PTPRZ1: variants seen among roughly 807,000 people sequenced by gnomAD.
The protein encoded by PTPRZ1 is protein tyrosine phosphatase receptor type Z1.
In PTPRZ1, 82 loss-of-function variants were observed where a neutral mutation model predicts 214.1. The observed-to-expected ratio is 0.38, with a 90% CI of 0.32 to 0.46. PTPRZ1 has a LOEUF of 0.46. Ranked by LOEUF, PTPRZ1 falls within the 20% of genes least tolerant of loss-of-function variation. The pLI, the probability that PTPRZ1 is intolerant of heterozygous loss-of-function variation, is 1.00. For synonymous variants in PTPRZ1, 945 were observed against 987.9 expected, an observed-to-expected ratio of 0.96 and a Z score of 0.81; for missense variants, 2,603 against 2,748.7, an observed-to-expected ratio of 0.95 and a Z score of 1.19.
At chr7:121,962,303 C>G (rs1337293989) in intron 2 of PTPRZ1, among the ~76,000 whole-genome samples, 1 of 151,734 alleles carries the variant, frequency 6.6e-6, no homozygotes, top group Non-Finnish European at 1.5e-5. Flanking sequence ...AAAAAGTTAG[C>G]TGGGCGTGGT....
chr7:122,023,851 A>T lies in PTPRZ1; in HGVS notation c.4988+4583A>T, dbSNP rs1015179330. On this transcript the variant is annotated intron_variant, in intron 13 of 29. Coordinates refer to ENST00000393386, the MANE Select transcript of PTPRZ1 (RefSeq NM_002851.3). The stretch of plus-strand genomic sequence containing the variant: ...ATTTTATATATAATTATATATATAT[A>T]AAAAAAAAAAAGATTGTAGCCAGAC... Among the ~76,000 whole-genome samples the T allele has an allele frequency of 7.6e-4, 16 of 21,114 alleles. 1 individual carries two copies. In the African/African-American group the frequency reaches 8.2e-3, roughly 11 times the overall value. 13.9% of individuals were successfully genotyped at this position (21,114 alleles called of 152,430 possible). A position where few individuals can be genotyped will look rare whatever the true frequency, so the allele number is the denominator to read the frequency against.
chr7:121,951,281 C>A (rs1302972327), intron 2 of PTPRZ1, among the ~76,000 whole-genome samples: 1 of 152,150 alleles, frequency 6.6e-6, no homozygotes, highest in African/African-American at 2.4e-5. Context: ...AGAGATACAA[C>A]CTCATTGCTA....
intron 6 of PTPRZ1, among the ~76,000 whole-genome samples, chr7:121,981,966 C>T (rs1797627659): frequency 6.6e-6 from 1 of 152,044 alleles, no homozygotes; most frequent in Non-Finnish European, 1.5e-5. Flanking sequence ...TTTCAGAAAC[C>T]TCAACCTACC....
intron 2 of PTPRZ1, among the ~76,000 whole-genome samples, chr7:121,956,699 TAAGTC>T (rs1353852017): frequency 6.6e-6 from 1 of 152,216 alleles, no homozygotes; most frequent in African/African-American, 2.4e-5. Flanking sequence ...TTAAGGGAGT[TAAGTC>T]TATGCTGGAA....
At chr7:121,963,587 T>C (rs1796944955) in intron 2 of PTPRZ1, among the ~76,000 whole-genome samples, 1 of 152,160 alleles carries the variant, frequency 6.6e-6, no homozygotes, top group African/African-American at 2.4e-5. Context: ...GCATGTTTCA[T>C]TAGCATCTTA....
intron 12 of PTPRZ1, among the ~76,000 whole-genome samples, chr7:122,016,500 A>G (rs1030254418): frequency 1.1e-4 from 17 of 151,974 alleles, no homozygotes; most frequent in Admixed American, 2.0e-4. Flanking sequence ...TATTTTGTGT[A>G]AAAGAGCTAG....
At chr7:122,054,310 C>A (rs1386227023) in intron 26 of PTPRZ1, among the ~76,000 whole-genome samples, 1 of 151,844 alleles carries the variant, frequency 6.6e-6, no homozygotes, top group Non-Finnish European at 1.5e-5. Context: ...GAATCACAGC[C>A]ATGAAAGAAA....
At chr7:121,948,463 T>C (rs1190585814) in intron 2 of PTPRZ1, among the ~76,000 whole-genome samples, 1 of 152,056 alleles carries the variant, frequency 6.6e-6, no homozygotes, top group Non-Finnish European at 1.5e-5. Flanking sequence ...TTTAGAAATA[T>C]AAATAAATAA....
chr7:121,938,048 T>G (rs1584660129), intron 2 of PTPRZ1, among the ~76,000 whole-genome samples: 1 of 152,172 alleles, frequency 6.6e-6, no homozygotes, highest in African/African-American at 2.4e-5. Context: ...TATCTACCTA[T>G]CTATTAATAT....
chr7:121,978,100 C>G (rs1465952752), intron 6 of PTPRZ1, among the ~76,000 whole-genome samples: 1 of 152,154 alleles, frequency 6.6e-6, no homozygotes, highest in African/African-American at 2.4e-5. Context: ...TAAACTTGCT[C>G]ATGTTCTTTA....
chr7:121,888,805 C>T (rs942420866), intron 1 of PTPRZ1, among the ~76,000 whole-genome samples: 12 of 152,040 alleles, frequency 7.9e-5, no homozygotes, highest in African/African-American at 2.7e-4. Flanking sequence ...CACTAAAAAA[C>T]AGACTACTTG....
rs533153324 is a variant in PTPRZ1 at position 121,933,502 on chromosome 7, T to TCGA, written c.124+5282_124+5284dup. Among the ~76,000 whole-genome samples the TCGA allele has an allele frequency of 4.1e-3, 629 of 152,238 alleles. 4 individuals are homozygous for TCGA. Among genetic ancestry groups the TCGA allele is most frequent in the African/African-American group, 0.014 (591 of 41,552 alleles). ...TTAAAATTTTAGTTAAAGAATGCAT[T>TCGA]CGATTCAAATAAGAAAGTATGGCTG... On this transcript the variant is annotated intron_variant, in intron 2 of 29. Transcript: ENST00000393386.
At chr7:122,034,453 C>T in intron 17 of PTPRZ1, 75 bp downstream of exon 17, 1 of 1,333,568 alleles carries the variant, frequency 7.5e-7, no homozygotes, top group Non-Finnish European at 1.1e-6. Flanking sequence ...GTCCTGAAGT[C>T]ATCTGAGAGC....
At chr7:122,052,109 G>C (rs1308420528) in intron 25 of PTPRZ1, among the ~76,000 whole-genome samples, 170 bp downstream of exon 25, 1 of 152,154 alleles carries the variant, frequency 6.6e-6, no homozygotes, top group Non-Finnish European at 1.5e-5. Flanking sequence ...ATAATGGCAT[G>C]CTTTTATGTG....
At chr7:121,923,920 G>C (rs901999233) in intron 1 of PTPRZ1, among the ~76,000 whole-genome samples, 3 of 152,012 alleles carry the variant, frequency 2.0e-5, no homozygotes, top group African/African-American at 7.2e-5. Flanking sequence ...GGAATGGGTT[G>C]AAAGGAGAAT....
chr7:121,988,918 C>T (rs552832614), intron 8 of PTPRZ1, among the ~76,000 whole-genome samples: 4 of 152,166 alleles, frequency 2.6e-5, no homozygotes, highest in African/African-American at 9.6e-5. Flanking sequence ...GTGTACAGTT[C>T]ATGTTCAAAA....
intron 23 of PTPRZ1, among the ~76,000 whole-genome samples, chr7:122,050,457 A>G (rs1792141765): frequency 2.4e-5 from 3 of 126,388 alleles, no homozygotes; most frequent in Admixed American, 8.0e-5. Context: ...GGGGAGGGAA[A>G]AGGAGAGGAG....
chr7:121,892,026 A>G (rs1794643112), intron 1 of PTPRZ1, among the ~76,000 whole-genome samples: 2 of 152,156 alleles, frequency 1.3e-5, no homozygotes, highest in South Asian at 4.1e-4. Flanking sequence ...TTTGTTTTTT[A>G]CATTTTCTTT....
At chr7:121,915,296 AGGT>A (rs1372814840) in intron 1 of PTPRZ1, among the ~76,000 whole-genome samples, 1 of 152,182 alleles carries the variant, frequency 6.6e-6, no homozygotes, top group African/African-American at 2.4e-5. Flanking sequence ...GGTCTGGTGG[AGGT>A]CCTCTTGGGA....
Sources: gnomAD v4.1 joint callset for allele counts (sites outside exome capture counted in the v4.1 genomes callset) on GRCh38, gnomAD v4.1.1 for gene constraint, MANE v1.5 for transcripts, NCBI Gene and HGNC (gene_info 2026-07-23, HGNC 2026-07-21) for gene names.